SLA: variants seen among roughly 807,000 people sequenced by gnomAD.
SLA encodes the protein src-like-adapter.
SLA carries 16 observed loss-of-function variants against 30.3 expected under a neutral mutation model. The observed-to-expected ratio is 0.53, with a 90% CI of 0.36 to 0.80. The LOEUF (loss-of-function observed/expected upper bound fraction) is 0.80, where lower values mean the gene tolerates loss of function less well. SLA is among the 30% of genes least tolerant of loss of function. The probability of loss-of-function intolerance (pLI) is 0.01; values close to 1 mark genes in which losing one functional copy is unlikely to be tolerated. For missense variants in SLA, 310 were observed against 345.2 expected, an observed-to-expected ratio of 0.90 and a Z score of 0.81; for synonymous variants, 143 against 137.8, an observed-to-expected ratio of 1.04 and a Z score of -0.26.
chr8:133,061,757 C>T (rs1371535036), intron 2 of SLA, among the ~76,000 whole-genome samples: 3 of 152,162 alleles, frequency 2.0e-5, no homozygotes, highest in African/African-American at 7.2e-5. Flanking sequence ...ATCCAACTCC[C>T]ACCCTGGCCT....
chr8:133,068,971 A>C (rs1242858269), intron 2 of SLA, among the ~76,000 whole-genome samples: 2 of 152,266 alleles, frequency 1.3e-5, no homozygotes, highest in African/African-American at 4.8e-5. Flanking sequence ...TCATATAAGC[A>C]GGCTGGCCTA....
chr8:133,087,839 A>G (rs1262052398), intron 1 of SLA: 2 of 152,132 alleles, frequency 1.3e-5, no homozygotes. Flanking sequence ...GACCTCCTCC[A>G]GCTGTTGAGA....
chr8:133,089,301 C>T (rs966740871), intron 1 of SLA, among the ~76,000 whole-genome samples: 3 of 152,204 alleles, frequency 2.0e-5, no homozygotes, highest in Non-Finnish European at 4.4e-5. Flanking sequence ...AGAGGAATAA[C>T]TACCTCCCAA....
intron 1 of SLA, among the ~76,000 whole-genome samples, chr8:133,101,075 G>T (rs1168898187): frequency 2.0e-5 from 3 of 152,110 alleles, no homozygotes; most frequent in Non-Finnish European, 4.4e-5. Context: ...CAATTGCAGG[G>T]CAGGAGTGGG....
chr8:133,070,298 G>A (rs780015837), intron 2 of SLA, among the ~76,000 whole-genome samples: 1 of 152,162 alleles, frequency 6.6e-6, no homozygotes, highest in African/African-American at 2.4e-5. Context: ...GACACCACTG[G>A]AGCGAACCGA....
Position 133,038,508 on chromosome 8 carries a change from T to C in SLA, c.*16A>G, listed in dbSNP as rs1210996876. 4 of 1,571,248 alleles carry C rather than the reference T, an allele frequency of 2.5e-6. No individual in the cohort carries two copies. In the Admixed American group the frequency reaches 5.0e-5, roughly 20 times the overall value. On this transcript the variant is annotated 3_prime_UTR_variant, in exon 9 of 9. Coordinates refer to ENST00000338087, the MANE Select transcript of SLA (RefSeq NM_001045556.3). ...TTCTGTTCCTTTTGGGCATGAACCA[T>C]TGTGTCTGTTCTTGGCTAGTCCTCA... is the stretch of plus-strand genomic sequence containing the variant.
chr8:133,080,413 T>C (rs1845572443), intron 1 of SLA, among the ~76,000 whole-genome samples: 1 of 152,122 alleles, frequency 6.6e-6, no homozygotes, highest in Non-Finnish European at 1.5e-5. Context: ...CCTAGGCTCA[T>C]GGGCTCTGGA....
chr8:133,072,815 G>A (rs1844270551), intron 2 of SLA: 1 of 150,798 alleles, frequency 6.6e-6, no homozygotes, highest in African/African-American at 2.4e-5. Context: ...ACTTTAGTTT[G>A]CTGCAATGCA....
At chr8:133,040,471 A>G (rs896712220) in intron 7 of SLA, 5 of 271,516 alleles carry the variant, frequency 1.8e-5, no homozygotes, top group Non-Finnish European at 3.6e-5. Flanking sequence ...TCAACTGCAG[A>G]ATGAAAGAAA....
At position 133,099,674 on chromosome 8, in the gene SLA, A is replaced by T. The variant is rs559703489; in HGVS notation, c.-319+2879T>A. 1.2e-4 allele frequency among the ~76,000 whole-genome samples: 19 copies of T among 152,270 alleles called. 1 individual carries two copies. Among genetic ancestry groups the T allele is most frequent in the South Asian group, 1.0e-3 (5 of 4,826 alleles). On this transcript the variant is annotated intron_variant, in intron 1 of 8. Coordinates refer to ENST00000338087, the MANE Select transcript of SLA (RefSeq NM_001045556.3). ...CTTCTGTAGTCTTCACCATCTCAGT[A>T]AACAACTCAGCAACTAAACAACTCA...
chr8:133,094,237 G>A (rs1490563937), intron 1 of SLA, among the ~76,000 whole-genome samples: 1 of 121,476 alleles, frequency 8.2e-6, no homozygotes, highest in African/African-American at 3.1e-5. Context: ...GAAACCTGTC[G>A]TTTTCTTTTT....
chr8:133,093,082 A>G (rs1234305127), intron 1 of SLA, among the ~76,000 whole-genome samples: 3 of 150,760 alleles, frequency 2.0e-5, no homozygotes, highest in Non-Finnish European at 4.4e-5. Flanking sequence ...CAGAACACGG[A>G]GTTTTGAGCT....
intron 2 of SLA, among the ~76,000 whole-genome samples, chr8:133,070,051 AG>A (rs1843763374): frequency 6.6e-6 from 1 of 151,426 alleles, no homozygotes; most frequent in African/African-American, 2.4e-5. Flanking sequence ...AAAGAAAAGA[AG>A]AAAAGAAAGG....
At chr8:133,045,558 T>A (rs1401058343) in intron 6 of SLA, among the ~76,000 whole-genome samples, 1 of 151,692 alleles carries the variant, frequency 6.6e-6, no homozygotes, top group Non-Finnish European at 1.5e-5. Context: ...CCACGCCCAG[T>A]TAATTCTTTT....
chr8:133,091,379 C>T (rs933407358), intron 1 of SLA, among the ~76,000 whole-genome samples: 4 of 152,154 alleles, frequency 2.6e-5, no homozygotes, highest in Admixed American at 6.5e-5. Flanking sequence ...AGGAGGGAGG[C>T]GGAGTCCATC....
rs182511179 is a variant in SLA at position 133,067,591 on chromosome 8, C to T, written c.-41+7262G>A. ...AGGAGTTCAAGACCAACCTGGCCAA[C>T]GTTGTGAAACCCTATCTCTACTAAA... On this transcript the variant is annotated intron_variant, in intron 2 of 8. Transcript: ENST00000338087. Among the ~76,000 whole-genome samples, 65 of 152,134 alleles carry T rather than the reference C, an allele frequency of 4.3e-4. No homozygotes were observed. In the East Asian group the frequency reaches 5.8e-3, roughly 14 times the overall value.
intron 3 of SLA, among the ~76,000 whole-genome samples, chr8:133,057,571 A>G (rs1164172561): frequency 6.6e-6 from 1 of 152,044 alleles, no homozygotes; most frequent in Non-Finnish European, 1.5e-5. Context: ...CTTGTTCCAG[A>G]TCTCTGGGGC....
At chr8:133,091,892 T>A (rs930274048) in intron 1 of SLA, among the ~76,000 whole-genome samples, 1 of 151,782 alleles carries the variant, frequency 6.6e-6, no homozygotes. Context: ...TGTGTCTCTA[T>A]CTATGACTGT....
At chr8:133,052,496 C>T (rs553891901) in intron 3 of SLA, among the ~76,000 whole-genome samples, 1 of 152,162 alleles carries the variant, frequency 6.6e-6, no homozygotes, top group Non-Finnish European at 1.5e-5. Context: ...AGACCTCTGA[C>T]CTGTCCTGCT....
Sources: gnomAD v4.1 joint callset for allele counts (sites outside exome capture counted in the v4.1 genomes callset) on GRCh38, gnomAD v4.1.1 for gene constraint, MANE v1.5 for transcripts, NCBI Gene and HGNC (gene_info 2026-07-23, HGNC 2026-07-21) for gene names.